The following VCL variants were observed in gnomAD, a reference collection of about 807,000 sequenced individuals.
VCL encodes the protein vinculin, also known as epididymis luminal protein 114.
In VCL, 47 loss-of-function variants were observed where a neutral mutation model predicts 125.7. The ratio of observed to expected loss-of-function variants is 0.37; its 90% CI spans 0.30 to 0.48. VCL has a LOEUF of 0.48. VCL is among the 20% of genes least tolerant of loss of function. The probability of loss-of-function intolerance (pLI) is 0.99; values close to 1 mark genes in which losing one functional copy is unlikely to be tolerated. For missense variants in VCL, 1,069 were observed against 1,455.5 expected, an observed-to-expected ratio of 0.73 and a Z score of 4.32; for synonymous variants, 458 against 514.6, an observed-to-expected ratio of 0.89 and a Z score of 1.49.
intron 19 of VCL, among the ~76,000 whole-genome samples, 154 bp from the exon 20 acceptor site, chr10:74,114,030 C>G (rs562000571): frequency 6.6e-6 from 1 of 151,904 alleles, no homozygotes; most frequent in East Asian, 1.9e-4. Flanking sequence ...CAGTGCTATC[C>G]GTATCACTCA....
At chr10:74,022,619 A>C (rs1401096535) in intron 1 of VCL, among the ~76,000 whole-genome samples, 1 of 141,892 alleles carries the variant, frequency 7.0e-6, no homozygotes, top group Non-Finnish European at 1.6e-5. Flanking sequence ...TAAGTAAATA[A>C]AACTTCAGTG....
intron 13 of VCL, among the ~76,000 whole-genome samples, chr10:74,098,498 A>G (rs1036060443): frequency 9.9e-5 from 15 of 152,192 alleles, no homozygotes; most frequent in Non-Finnish European, 1.5e-5. Flanking sequence ...TGCCTGCCAC[A>G]TTGTTGGTGC....
intron 1 of VCL, among the ~76,000 whole-genome samples, chr10:74,009,550 C>T (rs566733699): frequency 5.9e-4 from 90 of 152,114 alleles, no homozygotes; most frequent in Middle Eastern, 6.8e-3. Flanking sequence ...TGAGCCACCG[C>T]GCCCGGCTTT....
intron 2 of VCL, among the ~76,000 whole-genome samples, chr10:74,060,827 A>T (rs1407213487): frequency 2.0e-5 from 3 of 152,064 alleles, no homozygotes; most frequent in Non-Finnish European, 4.4e-5. Context: ...TTACAAAATA[A>T]TTACTCATAC....
At chr10:74,032,794 A>C (rs1840906357) in intron 1 of VCL, among the ~76,000 whole-genome samples, 1 of 152,054 alleles carries the variant, frequency 6.6e-6, no homozygotes, top group African/African-American at 2.4e-5. Context: ...TACACCCATA[A>C]AAAGATGCTC....
chr10:74,088,286 A>C (rs1454877494), intron 8 of VCL, among the ~76,000 whole-genome samples: 2 of 152,192 alleles, frequency 1.3e-5, no homozygotes, highest in Non-Finnish European at 2.9e-5. Context: ...TAGAGAAACA[A>C]GTTTCCATGA....
intron 2 of VCL, among the ~76,000 whole-genome samples, chr10:74,048,870 C>G (rs1841242908): frequency 6.6e-6 from 1 of 152,144 alleles, no homozygotes; most frequent in South Asian, 2.1e-4. Context: ...CCTGTAATCC[C>G]AGCACTTTGG....
chr10:74,040,629 A>G (rs1399551431), intron 1 of VCL, among the ~76,000 whole-genome samples: 1 of 152,228 alleles, frequency 6.6e-6, no homozygotes, highest in African/African-American at 2.4e-5. Flanking sequence ...ATATTCTGTC[A>G]TGTTTTGAGC....
At chr10:74,086,377 A>G (rs1839772623) in intron 8 of VCL, among the ~76,000 whole-genome samples, 1 of 152,240 alleles carries the variant, frequency 6.6e-6, no homozygotes, top group Admixed American at 6.5e-5. Context: ...GGGGAAAGAA[A>G]CAGCTTAAAT....
intron 5 of VCL, among the ~76,000 whole-genome samples, 157 bp downstream of exon 5, chr10:74,073,009 C>T (rs866938949): frequency 1.5e-4 from 22 of 150,526 alleles, no homozygotes; most frequent in South Asian, 1.3e-3. Flanking sequence ...GGTGCGATCT[C>T]GGCTCACTGC....
rs778114927 is a variant in VCL, at chr10:74,094,420, A to G, written c.1502A>G (p.Gln501Arg). ...VHLEGKIEQAQRWIDNPTVDD... is the reference protein window; with the variant it reads ...VHLEGKIEQARRWIDNPTVDD... ...CTTGAGGGCAAGATTGAGCAAGCACAGCGGTGGATTGATAATCCCACAGTG... is the reference window on the plus strand; with the variant it reads ...CTTGAGGGCAAGATTGAGCAAGCACGGCGGTGGATTGATAATCCCACAGTG... Residue 501 changes from glutamine to arginine, a missense_variant, in exon 11 of 22, where the codon CAG (glutamine) becomes CGG (arginine). Transcript: ENST00000211998. The G allele has an allele frequency of 6.2e-7, 1 of 1,614,206 alleles. No homozygotes were observed. The highest frequency in any genetic ancestry group is 2.2e-5 in the East Asian group (1 of 44,882).
chr10:74,015,685 CTTTT>C (rs1207831402), intron 1 of VCL, among the ~76,000 whole-genome samples: 1 of 150,028 alleles, frequency 6.7e-6, no homozygotes, highest in Non-Finnish European at 1.5e-5. Context: ...TTTTTTCTTT[CTTTT>C]TCTTTTTTTT....
At chr10:74,070,873 A>G in intron 3 of VCL, 53 bp downstream of exon 3, 1 of 1,612,552 alleles carries the variant, frequency 6.2e-7, no homozygotes, top group Non-Finnish European at 8.5e-7. Context: ...TGGAAGATTG[A>G]TGATTGTTTA....
chr10:74,098,162 T>C (rs1840000182), intron 13 of VCL, among the ~76,000 whole-genome samples: 1 of 152,220 alleles, frequency 6.6e-6, no homozygotes, highest in Non-Finnish European at 1.5e-5. Flanking sequence ...TCCTAGTGTG[T>C]ATTTATATGT....
At chr10:74,052,269 T>C (rs1168281207) in intron 2 of VCL, among the ~76,000 whole-genome samples, 1 of 152,144 alleles carries the variant, frequency 6.6e-6, no homozygotes, top group African/African-American at 2.4e-5. Flanking sequence ...CCTACTTCAA[T>C]TACATATTAG....
At chr10:74,000,424 G>GTTTA (rs1050057004) in intron 1 of VCL, among the ~76,000 whole-genome samples, 2 of 151,780 alleles carry the variant, frequency 1.3e-5, no homozygotes, top group Non-Finnish European at 2.9e-5. Flanking sequence ...TTGTTTGTTT[G>GTTTA]TTTGTTTTTG....
At chr10:74,016,431 C>T (rs919765445) in intron 1 of VCL, among the ~76,000 whole-genome samples, 11 of 151,954 alleles carry the variant, frequency 7.2e-5, no homozygotes, top group Admixed American at 3.9e-4. Flanking sequence ...GGCAACATGA[C>T]AAAACTCCTT....
chr10:74,017,907 C>T (rs984043280), intron 1 of VCL, among the ~76,000 whole-genome samples: 2 of 151,648 alleles, frequency 1.3e-5, no homozygotes, highest in Admixed American at 1.3e-4. Context: ...GCCTGTAATC[C>T]CAGCACTTTG....
chr10:74,048,640 G>A (rs1183194012), intron 2 of VCL, among the ~76,000 whole-genome samples: 1 of 151,986 alleles, frequency 6.6e-6, no homozygotes, highest in Non-Finnish European at 1.5e-5. Flanking sequence ...TTGATTAATG[G>A]GCTAGACATG....
Sources: gnomAD v4.1 joint callset for allele counts (sites outside exome capture counted in the v4.1 genomes callset) on GRCh38, gnomAD v4.1.1 for gene constraint, MANE v1.5 for transcripts, NCBI Gene and HGNC (gene_info 2026-07-23, HGNC 2026-07-21) for gene names.